The following PLPPR1 variants were observed in gnomAD, a reference collection of about 807,000 sequenced individuals.
PLPPR1 encodes the protein phospholipid phosphatase-related protein type 1.
Under a neutral mutation model 33.1 loss-of-function variants are expected in PLPPR1, and 10 were observed. That is an observed-to-expected ratio of 0.30 (90% CI 0.19 to 0.51). PLPPR1 has a LOEUF of 0.51. Among genes scored for constraint, PLPPR1 ranks in the 20% least tolerant of loss-of-function variants. The pLI, the probability that PLPPR1 is intolerant of heterozygous loss-of-function variation, is 0.97. For synonymous variants in PLPPR1, 151 were observed against 151.0 expected (o/e 1.00, Z 0.00); for missense variants, 304 against 408.1 (o/e 0.74, Z 2.20).
At chr9:101,305,540 T>C (rs1274441233) in intron 4 of PLPPR1, among the ~76,000 whole-genome samples, 2 of 152,190 alleles carry the variant, frequency 1.3e-5, no homozygotes, top group African/African-American at 4.8e-5. Context: ...AAAAGGAACA[T>C]GGTCCTTCCT....
chr9:101,196,960 A>C (rs1826408293), intron 2 of PLPPR1, among the ~76,000 whole-genome samples: 1 of 152,232 alleles, frequency 6.6e-6, no homozygotes, highest in African/African-American at 2.4e-5. Flanking sequence ...TCAAAGCAGT[A>C]TGTAATCTGA....
intron 1 of PLPPR1, among the ~76,000 whole-genome samples, chr9:101,133,867 C>T (rs927907344): frequency 1.3e-5 from 2 of 152,212 alleles, no homozygotes; most frequent in Non-Finnish European, 2.9e-5. Context: ...CCCAGCTCCA[C>T]TCCTTACTAC....
intron 1 of PLPPR1, chr9:101,125,973 A>C (rs1831242128): frequency 1.2e-5 from 3 of 249,252 alleles, no homozygotes; most frequent in Non-Finnish European, 2.3e-5. Flanking sequence ...TAACCATGAA[A>C]CTGAAGCTTC....
chr9:101,185,398 A>C (rs997899050), intron 1 of PLPPR1, 52 bp from the exon 2 acceptor site: 2 of 670,918 alleles, frequency 3.0e-6, no homozygotes, highest in Non-Finnish European at 5.2e-6. Context: ...TAAGTACCTA[A>C]GGGACTTCTC....
intron 2 of PLPPR1, among the ~76,000 whole-genome samples, chr9:101,244,358 G>T (rs1827541959): frequency 2.0e-5 from 3 of 151,954 alleles, no homozygotes; most frequent in African/African-American, 7.2e-5. Flanking sequence ...TGAAGATGAA[G>T]AGATTCAAGA....
intron 1 of PLPPR1, 177 bp from the exon 2 acceptor site, chr9:101,185,273 G>T (rs2118716661): frequency 4.5e-6 from 2 of 440,044 alleles, no homozygotes; most frequent in Non-Finnish European, 8.0e-6. Context: ...TATATTATTT[G>T]CTTTTTATTG....
intron 2 of PLPPR1, among the ~76,000 whole-genome samples, chr9:101,237,733 G>A (rs1231291964): frequency 2.3e-5 from 3 of 131,338 alleles, no homozygotes; most frequent in Non-Finnish European, 3.2e-5. Context: ...TGTGTATATA[G>A]CCTATATATA....
At chr9:101,150,676 G>GTC (rs1831571094) in intron 1 of PLPPR1, among the ~76,000 whole-genome samples, 2 of 152,134 alleles carry the variant, frequency 1.3e-5, no homozygotes, top group Non-Finnish European at 2.9e-5. Context: ...GCTGCCTCTT[G>GTC]TCTCTCTGTC....
At chr9:101,034,673 G>A (rs971444349) in intron 1 of PLPPR1, among the ~76,000 whole-genome samples, 1 of 152,268 alleles carries the variant, frequency 6.6e-6, no homozygotes, top group South Asian at 2.1e-4. Context: ...GATTAACTGA[G>A]TTTGTTGTAA....
intron 4 of PLPPR1, among the ~76,000 whole-genome samples, chr9:101,297,914 CTAAG>C (rs1314079221): frequency 6.6e-6 from 1 of 152,000 alleles, no homozygotes; most frequent in Non-Finnish European, 1.5e-5. Context: ...GTGGCAATGA[CTAAG>C]TAAGGAAGTT....
chr9:101,067,190 C>A (rs1455617156), intron 1 of PLPPR1, among the ~76,000 whole-genome samples: 3 of 151,532 alleles, frequency 2.0e-5, no homozygotes, highest in African/African-American at 7.3e-5. Flanking sequence ...TAGGTTCAAA[C>A]TGTAACTGAA....
chr9:101,089,325 ATAG>A (rs1830715396), intron 1 of PLPPR1, among the ~76,000 whole-genome samples: 1 of 152,016 alleles, frequency 6.6e-6, no homozygotes, highest in African/African-American at 2.4e-5. Flanking sequence ...AGATAGATAG[ATAG>A]ATAGTAGTTA....
chr9:101,121,289 C>T (rs1227639226), intron 1 of PLPPR1, among the ~76,000 whole-genome samples: 15 of 152,180 alleles, frequency 9.9e-5, no homozygotes, highest in Admixed American at 9.8e-4. Context: ...AAGCACTTTA[C>T]ATCCTTTAAT....
chr9:101,208,357 C>T (rs1274560544), intron 2 of PLPPR1, among the ~76,000 whole-genome samples: 1 of 152,158 alleles, frequency 6.6e-6, no homozygotes, highest in African/African-American at 2.4e-5. Flanking sequence ...TGAACCTGAG[C>T]ATTTGTCAGT....
chr9:101,153,052 G>T (rs1453205634), intron 1 of PLPPR1, among the ~76,000 whole-genome samples: 1 of 152,168 alleles, frequency 6.6e-6, no homozygotes, highest in African/African-American at 2.4e-5. Flanking sequence ...TCTTCCATTT[G>T]TTTGTGTCCT....
chr9:101,134,208 A>G (rs1235915962), intron 1 of PLPPR1, among the ~76,000 whole-genome samples: 2 of 152,146 alleles, frequency 1.3e-5, no homozygotes, highest in Admixed American at 6.6e-5. Context: ...CAAACTGACT[A>G]TATCTGTGTG....
At chr9:101,164,839 C>A (rs192536424) in intron 1 of PLPPR1, among the ~76,000 whole-genome samples, 2 of 152,118 alleles carry the variant, frequency 1.3e-5, no homozygotes, top group East Asian at 1.9e-4. Context: ...CCAGGTGAAC[C>A]AGGTTGTTTG....
chr9:101,312,459 A>G (rs1321917261), intron 5 of PLPPR1, among the ~76,000 whole-genome samples: 12 of 152,222 alleles, frequency 7.9e-5, no homozygotes, highest in African/African-American at 2.2e-4. Flanking sequence ...TGGATTTCTT[A>G]TACCCCAAAT....
chr9:101,278,461 G>GATTA (rs1828237149), intron 3 of PLPPR1, among the ~76,000 whole-genome samples: 1 of 152,132 alleles, frequency 6.6e-6, no homozygotes, highest in Non-Finnish European at 1.5e-5. Flanking sequence ...AGAGTAACTG[G>GATTA]TTGGAACACA....
Sources: gnomAD v4.1 joint callset for allele counts (sites outside exome capture counted in the v4.1 genomes callset) on GRCh38, gnomAD v4.1.1 for gene constraint, MANE v1.5 for transcripts, NCBI Gene and HGNC (gene_info 2026-07-23, HGNC 2026-07-21) for gene names.